The following MAPT variants were observed in gnomAD, a reference collection of about 807,000 sequenced individuals.
MAPT encodes the protein microtubule associated protein tau.
In MAPT, 34 loss-of-function variants were observed where a neutral mutation model predicts 67.9. The observed-to-expected ratio is 0.50, with a 90% confidence interval of 0.38 to 0.67. MAPT has a LOEUF of 0.67. Ranked by LOEUF, MAPT falls within the 30% of genes least tolerant of loss-of-function variation. The pLI is 0.00. For missense variants in MAPT, 881 were observed against 1,115.2 expected (o/e 0.79, Z 2.99); for synonymous variants, 456 against 464.5 (o/e 0.98, Z 0.23).
rs769833073 is a variant in MAPT at position 46,024,192 on chromosome 17, A to G, written c.*21A>G. 8.1e-6 allele frequency: 13 copies of G among 1,602,736 alleles called. No homozygotes were observed. Among genetic ancestry groups the G allele is most frequent in the Non-Finnish European group, 9.4e-6 (11 of 1,169,922 alleles). On this transcript the variant is annotated 3_prime_UTR_variant, in exon 13 of 13. Coordinates refer to ENST00000262410, the MANE Select transcript of MAPT (RefSeq NM_001377265.1). ...TGTGATCAGGCCCCTGGGGCGGTCAATAATTGTGGAGAGGAGAGAATGAGA... is the reference window on the plus strand; with the variant it reads ...TGTGATCAGGCCCCTGGGGCGGTCAGTAATTGTGGAGAGGAGAGAATGAGA...
chr17:46,010,290 C>T lies in MAPT; in HGVS notation c.1999-20C>T. 1 of 1,537,414 alleles carries T rather than the reference C, an allele frequency of 6.5e-7. No homozygotes were observed. Among genetic ancestry groups the T allele is most frequent in the African/African-American group, 1.4e-5 (1 of 73,310 alleles). On this transcript the variant is annotated intron_variant, in intron 9 of 12. Transcript: ENST00000262410. This position sits in a 1 kb window ranked among gnomAD's most constrained non-coding sequence, Gnocchi z 4.7. ...GGTCCAGGGTGGCGTGTCACTCATC[C>T]TTTTTTCTGGCTACCAAAGGTGCAG...
At chr17:45,984,085 T>C (rs1049307209) in intron 5 of MAPT, among the ~76,000 whole-genome samples, 155 bp downstream of exon 5, 3 of 152,062 alleles carry the variant, frequency 2.0e-5, no homozygotes, top group African/African-American at 7.2e-5. Flanking sequence ...GCTGCTCCAC[T>C]CCCTCGGCCT....
chr17:45,903,988 T>A (rs1176696879), intron 1 of MAPT, among the ~76,000 whole-genome samples: 22 of 11,764 alleles, frequency 1.9e-3, no homozygotes, highest in African/African-American at 5.6e-3. Context: ...TATTATATAT[T>A]TATATATATT....
intron 5 of MAPT, chr17:45,985,756 C>T: frequency 1.0e-6 from 1 of 984,032 alleles, no homozygotes; most frequent in Non-Finnish European, 1.2e-6. Flanking sequence ...TGAGTCAGAT[C>T]CGCCTGGGGC....
intron 1 of MAPT, among the ~76,000 whole-genome samples, chr17:45,905,507 A>G (rs1389172375): frequency 2.0e-5 from 3 of 152,220 alleles, no homozygotes; most frequent in African/African-American, 7.2e-5. Flanking sequence ...ATTTTTAATC[A>G]GTAGGATTCA....
At chr17:45,924,251 A>G (rs959379788) in intron 1 of MAPT, among the ~76,000 whole-genome samples, 1 of 152,136 alleles carries the variant, frequency 6.6e-6, no homozygotes, top group African/African-American at 2.4e-5. Context: ...CCACCCCAGC[A>G]GGTATTCAGA....
At chr17:46,011,530 C>T (rs1027565278) in intron 10 of MAPT, among the ~76,000 whole-genome samples, 4 of 152,200 alleles carry the variant, frequency 2.6e-5, no homozygotes, top group East Asian at 1.9e-4. Context: ...CTGACCCACC[C>T]GATAAGCTGA....
At chr17:45,938,188 C>A (rs1321920500) in intron 1 of MAPT, among the ~76,000 whole-genome samples, 1 of 152,200 alleles carries the variant, frequency 6.6e-6, no homozygotes, top group Non-Finnish European at 1.5e-5. Flanking sequence ...AGGCCAGAAG[C>A]CCTCCATAGG....
At chr17:46,006,814 T>A (rs2075459846) in intron 9 of MAPT, among the ~76,000 whole-genome samples, 1 of 151,842 alleles carries the variant, frequency 6.6e-6, no homozygotes, top group South Asian at 2.1e-4. Flanking sequence ...TCCCAGCTAC[T>A]CGGGAGGCTG....
At chr17:45,959,222 C>T (rs1475825933) in intron 1 of MAPT, among the ~76,000 whole-genome samples, 1 of 152,188 alleles carries the variant, frequency 6.6e-6, no homozygotes, top group Non-Finnish European at 1.5e-5. Flanking sequence ...CAGCCTCCCC[C>T]ACTGCCAACG....
rs887761730 is a variant in MAPT at position 45,983,816 on chromosome 17, C to T, written c.1237C>T (p.Arg413Trp). 3.1e-6 allele frequency: 5 copies of T among 1,612,904 alleles called. No individual in the cohort carries two copies. The African/African-American group carries it at 4.0e-5, about 13-fold the overall frequency. ...GGCCCCTGGAGAGGGGCCAGAGGCC[C>T]GGGGCCCCTCTTTGGGAGAGGACAC... ...PGAPGEGPEARGPSLGEDTKE... is the reference protein window; with the variant it reads ...PGAPGEGPEAWGPSLGEDTKE... The change falls in exon 5 of 13, where the codon CGG becomes TGG. Residue 413 changes from arginine (R) to tryptophan (W), a missense_variant. Arg to Trp is a moderately radical substitution (Grantham distance 101). This residue lies in a region of MAPT where 687 missense variants were observed against 766.1 expected (regional missense o/e 0.90). Coordinates refer to ENST00000262410, the MANE Select transcript of MAPT (RefSeq NM_001377265.1).
At chr17:45,968,296 G>C (rs1212104111) in intron 2 of MAPT, among the ~76,000 whole-genome samples, 1 of 152,176 alleles carries the variant, frequency 6.6e-6, no homozygotes, top group Non-Finnish European at 1.5e-5. Context: ...GGAGGAAGGG[G>C]AGCTGGGCAC....
intron 4 of MAPT, among the ~76,000 whole-genome samples, chr17:45,981,130 C>A (rs755091222): frequency 6.6e-6 from 1 of 152,140 alleles, no homozygotes; most frequent in Non-Finnish European, 1.5e-5. Context: ...CCGATGGGGT[C>A]GGGCCCACAG....
intron 1 of MAPT, among the ~76,000 whole-genome samples, chr17:45,938,483 A>G (rs980964427): frequency 1.3e-5 from 2 of 152,136 alleles, no homozygotes; most frequent in South Asian, 2.1e-4. Flanking sequence ...ATAATCTGGG[A>G]TGATCTCTCT....
chr17:46,014,021 T>C (rs903979957), intron 10 of MAPT, among the ~76,000 whole-genome samples: 7 of 152,150 alleles, frequency 4.6e-5, no homozygotes, highest in African/African-American at 1.7e-4. Context: ...CCAGCTCCCC[T>C]GGGGCAGGGT....
chr17:45,939,865 C>T (rs973963205), intron 1 of MAPT, among the ~76,000 whole-genome samples: 3 of 152,156 alleles, frequency 2.0e-5, no homozygotes, highest in Non-Finnish European at 4.4e-5. Context: ...AACGTGTTCC[C>T]TCTGAGCATG....
intron 10 of MAPT, among the ~76,000 whole-genome samples, chr17:46,012,375 C>A (rs1439415056): frequency 6.6e-6 from 1 of 151,938 alleles, no homozygotes; most frequent in Non-Finnish European, 1.5e-5. Context: ...GCGGGCTAGC[C>A]TGTGTCCCGC....
intron 9 of MAPT, among the ~76,000 whole-genome samples, chr17:46,004,003 C>A (rs939965378): frequency 2.6e-5 from 4 of 152,198 alleles, no homozygotes; most frequent in African/African-American, 9.7e-5. Context: ...TGTGTCAGTT[C>A]CTAAGCTGAT....
At chr17:46,014,882 C>CAAAAAGAAAAAAA (rs2076065482) in intron 11 of MAPT, among the ~76,000 whole-genome samples, 1 of 127,500 alleles carries the variant, frequency 7.8e-6, no homozygotes, top group Non-Finnish European at 1.7e-5. Flanking sequence ...GACTCCGTCT[C>CAAAAAGAAAAAAA]AAAAAAAAAA....
Sources: gnomAD v4.1 joint callset for allele counts (sites outside exome capture counted in the v4.1 genomes callset) on GRCh38, gnomAD v4.1.1 for gene constraint, gnomAD v4.1.1 regional missense constraint, Gnocchi (gnomAD v3.1) non-coding constraint, MANE v1.5 for transcripts, NCBI Gene and HGNC (gene_info 2026-07-23, HGNC 2026-07-21) for gene names.